Variants in ABHD12 observed in about 807,000 individuals in gnomAD.
The protein encoded by ABHD12 is abhydrolase domain containing 12, lysophospholipase, also known as lysophosphatidylserine lipase ABHD12.
ABHD12 carries 43 observed loss-of-function variants against 58.3 expected under a neutral mutation model. The ratio of observed to expected loss-of-function variants is 0.74; its 90% confidence interval spans 0.58 to 0.95. ABHD12 has a LOEUF of 0.95. Among genes scored for constraint, ABHD12 ranks in the 40% least tolerant of loss-of-function variants. The pLI is 0.00. For synonymous variants in ABHD12, 219 were observed against 211.2 expected (o/e 1.04, Z -0.32); for missense variants, 539 against 537.2 (o/e 1.00, Z -0.03).
intron 1 of ABHD12, among the ~76,000 whole-genome samples, chr20:25,341,436 T>C (rs569770920): frequency 9.8e-5 from 15 of 152,324 alleles, no homozygotes; most frequent in Middle Eastern, 3.4e-3. Context: ...TGAGGGTACA[T>C]TAATCACAAT....
chr20:25,336,237 A>C (rs952135669), intron 2 of ABHD12, among the ~76,000 whole-genome samples: 3 of 152,188 alleles, frequency 2.0e-5, no homozygotes, highest in Non-Finnish European at 4.4e-5. Flanking sequence ...GTCAGTAGGA[A>C]ATAAACTACG....
intron 2 of ABHD12, among the ~76,000 whole-genome samples, chr20:25,336,743 A>C (rs988409049): frequency 2.0e-5 from 3 of 152,234 alleles, no homozygotes; most frequent in African/African-American, 7.2e-5. Flanking sequence ...GGGGAGACAG[A>C]GAACCACACT....
At chr20:25,386,025 C>T (rs894087258) in intron 1 of ABHD12, among the ~76,000 whole-genome samples, 4 of 151,494 alleles carry the variant, frequency 2.6e-5, no homozygotes, top group African/African-American at 4.8e-5. Flanking sequence ...GGCGTGAACC[C>T]GGGAGGCAAA....
At chr20:25,324,747 T>C (rs963766416) in intron 2 of ABHD12, among the ~76,000 whole-genome samples, 2 of 152,252 alleles carry the variant, frequency 1.3e-5, no homozygotes, top group African/African-American at 2.4e-5. Context: ...TCCCAGACCA[T>C]GTGGGGAGAC....
In ABHD12 at chr20:25,390,530, C is replaced by A; in HGVS notation, c.174G>T (p.Met58Ile). 6.9e-7 allele frequency: 1 copy of A among 1,449,694 alleles called. No homozygotes were observed. The highest frequency in any genetic ancestry group is 1.3e-5 in the South Asian group (1 of 77,960). 89.8% of individuals were successfully genotyped at this position (1,449,694 alleles called of 1,614,324 possible). Residue 58 changes from methionine to isoleucine, a missense_variant, in exon 1 of 13, where the codon ATG (methionine) becomes ATT (isoleucine). Transcript: ENST00000339157. ...AEPRCAADAGMKRALGRRKGV... is the reference protein window; with the variant it reads ...AEPRCAADAGIKRALGRRKGV... ...AGCCTCACCTGCCCAGCGCCCGCTTCATTCCCGCGTCGGCTGCGCAGCGCG... is the reference window on the plus strand; with the variant it reads ...AGCCTCACCTGCCCAGCGCCCGCTTAATTCCCGCGTCGGCTGCGCAGCGCG...
In ABHD12 at chr20:25,324,556, G is replaced by T. The variant is rs954794644; in HGVS notation, c.317-1126C>A. Among the ~76,000 whole-genome samples, 16 of 152,312 alleles carry T rather than the reference G, an allele frequency of 1.1e-4. No individual in the cohort carries two copies. The South Asian group carries it at 3.1e-3, about 30-fold the overall frequency. On this transcript the variant is annotated intron_variant, in intron 2 of 12. Transcript: ENST00000339157. ...TGTGGGCCTGGCTTCCCTCTGGTGGGTCCTGCCCCCGGGGAAGCTCTGCTG... is the reference window on the plus strand; with the variant it reads ...TGTGGGCCTGGCTTCCCTCTGGTGGTTCCTGCCCCCGGGGAAGCTCTGCTG...
intron 2 of ABHD12, among the ~76,000 whole-genome samples, chr20:25,325,246 C>T (rs1403742260): frequency 6.6e-6 from 1 of 150,584 alleles, no homozygotes; most frequent in Non-Finnish European, 1.5e-5. Context: ...GGCTTTGAAC[C>T]CGGCAGCCCG....
chr20:25,313,576 A>AT (rs1188510205), intron 6 of ABHD12, among the ~76,000 whole-genome samples: 124 of 145,130 alleles, frequency 8.5e-4, no homozygotes, highest in Non-Finnish European at 1.2e-3. Flanking sequence ...AGAATGATCA[A>AT]TAAAAATAAA....
chr20:25,314,799 ACC>A, intron 6 of ABHD12, 124 bp downstream of exon 6: 1 of 1,062,698 alleles, frequency 9.4e-7, no homozygotes. Flanking sequence ...GACCCAGGAC[ACC>A]ATCACAGCAC....
At chr20:25,346,059 T>C (rs2089513704) in intron 1 of ABHD12, among the ~76,000 whole-genome samples, 1 of 152,092 alleles carries the variant, frequency 6.6e-6, no homozygotes, top group African/African-American at 2.4e-5. Flanking sequence ...ATAACCAAGG[T>C]AAGATGTCCT....
intron 5 of ABHD12, among the ~76,000 whole-genome samples, chr20:25,315,185 G>C (rs987329477): frequency 1.3e-5 from 2 of 152,160 alleles, no homozygotes; most frequent in African/African-American, 4.8e-5. Flanking sequence ...CCCTGCCTGG[G>C]AGCGCAGGAA....
chr20:25,339,452 A>AT lies in ABHD12; in HGVS notation c.192-102dup, dbSNP rs529825315. ...AAATCCCTAAACAAGAGCCACACAT[A>AT]TTTTTTTTTCCACAAGGATACTGCC... On this transcript the variant is annotated intron_variant, in intron 1 of 12. Transcript: ENST00000339157. 1,424 of 1,536,076 alleles carry AT rather than the reference A, an allele frequency of 9.3e-4. 1 individual carries two copies. The highest frequency in any genetic ancestry group is 1.1e-3 in the Non-Finnish European group (1,193 of 1,121,858).
intron 1 of ABHD12, chr20:25,368,532 C>G: frequency 1.4e-6 from 2 of 1,463,670 alleles, no homozygotes; most frequent in Non-Finnish European, 1.9e-6. Context: ...AATTTCTCCC[C>G]GTAAATGGAC....
At chr20:25,310,113 A>C (rs2088820895) in intron 6 of ABHD12, 1 of 163,236 alleles carries the variant, frequency 6.1e-6, no homozygotes, top group Admixed American at 5.8e-5. Context: ...AGCAGCATCC[A>C]TGTGTCCCAC....
chr20:25,321,762 A>G (rs1344400668), intron 3 of ABHD12, among the ~76,000 whole-genome samples: 1 of 152,254 alleles, frequency 6.6e-6, no homozygotes, highest in Non-Finnish European at 1.5e-5. Flanking sequence ...GCTCTGTGCA[A>G]AACAAGTCAT....
At chr20:25,366,269 GTCTTT>G (rs1234014290) in intron 1 of ABHD12, among the ~76,000 whole-genome samples, 2 of 150,076 alleles carry the variant, frequency 1.3e-5, no homozygotes, top group Non-Finnish European at 3.0e-5. Flanking sequence ...TTTATTCTAA[GTCTTT>G]TCTTTTCTTT....
downstream of ABHD12, among the ~76,000 whole-genome samples, chr20:25,295,832 A>C (rs2088533751): frequency 6.6e-6 from 1 of 152,222 alleles, no homozygotes; most frequent in African/African-American, 2.4e-5. Flanking sequence ...CCTTTAGGGA[A>C]GCTGTCACTG....
intron 1 of ABHD12, among the ~76,000 whole-genome samples, chr20:25,374,131 G>A (rs2089932677): frequency 6.6e-6 from 1 of 152,028 alleles, no homozygotes; most frequent in Admixed American, 6.6e-5. Flanking sequence ...TCCCTTTGTT[G>A]CCCAGGCTGG....
chr20:25,386,452 G>C (rs540855521), intron 1 of ABHD12, among the ~76,000 whole-genome samples: 5 of 151,590 alleles, frequency 3.3e-5, no homozygotes, highest in African/African-American at 9.6e-5. Context: ...TAGTAGAGAC[G>C]GGGTTTCACC....
Sources: gnomAD v4.1 joint callset for allele counts (sites outside exome capture counted in the v4.1 genomes callset) on GRCh38, gnomAD v4.1.1 for gene constraint, MANE v1.5 for transcripts, NCBI Gene and HGNC (gene_info 2026-07-23, HGNC 2026-07-21) for gene names.